Variants in ELAVL4 observed in about 807,000 individuals in gnomAD.
ELAVL4 encodes the protein ELAV like RNA binding protein 4.
Under a neutral mutation model 35.6 loss-of-function variants are expected in ELAVL4, and 1 was observed. The ratio of observed to expected loss-of-function variants is 0.03; its 90% CI spans 0.01 to 0.13. The LOEUF is 0.13. Ranked by LOEUF, ELAVL4 falls within the 10% of genes least tolerant of loss-of-function variation. ELAVL4 has a pLI of 1.00. For missense variants in ELAVL4, 267 were observed against 464.9 expected, an observed-to-expected ratio of 0.57 and a Z score of 3.91; for synonymous variants, 156 against 171.0, an observed-to-expected ratio of 0.91 and a Z score of 0.69.
chr1:50,070,709 C>A (rs999332020), intron 1 of ELAVL4, among the ~76,000 whole-genome samples: 1 of 144,756 alleles, frequency 6.9e-6, no homozygotes, highest in Non-Finnish European at 1.5e-5. Context: ...CCACTGCACT[C>A]CAGCCTGGGT....
At chr1:50,133,619 GAAAGAAA>G (rs1441884845) in intron 1 of ELAVL4, among the ~76,000 whole-genome samples, 2 of 144,632 alleles carry the variant, frequency 1.4e-5, no homozygotes, top group Non-Finnish European at 3.0e-5. Flanking sequence ...AAGAAAGAAA[GAAAGAAA>G]GAAAGAAAGA....
rs548738112 is a variant in ELAVL4 at position 50,176,948 on chromosome 1, A to G, written c.251-141A>G. The G allele has an allele frequency of 1.8e-5, 11 of 621,516 alleles. No homozygotes were observed. The South Asian group carries it at 2.5e-4, about 14-fold the overall frequency. The allele number at this position is 621,516 out of a possible 1,614,324, so 38.5% of individuals were successfully genotyped here. On this transcript the variant is annotated intron_variant, in intron 2 of 6. Coordinates refer to ENST00000371824, the MANE Select transcript of ELAVL4 (RefSeq NM_001144774.3). Reference sequence around the variant, plus strand: ...GGGGGTAAACCCTGGTGTAAGAGGAACTGTATACCAAAGGAGAGTTTTGAC... The same window carrying G: ...GGGGGTAAACCCTGGTGTAAGAGGAGCTGTATACCAAAGGAGAGTTTTGAC...
chr1:50,153,280 G>T (rs1284338724), intron 2 of ELAVL4, among the ~76,000 whole-genome samples: 2 of 152,220 alleles, frequency 1.3e-5, no homozygotes, highest in African/African-American at 4.8e-5. Flanking sequence ...ATGATACAAT[G>T]AAGTTGGAGG....
intron 3 of ELAVL4, among the ~76,000 whole-genome samples, chr1:50,186,330 T>C (rs1363016789): frequency 6.6e-6 from 1 of 152,198 alleles, no homozygotes; most frequent in East Asian, 1.9e-4. Context: ...GATAAAGCTT[T>C]GAGACTAGGT....
intron 1 of ELAVL4, among the ~76,000 whole-genome samples, chr1:50,064,946 C>A (rs935460001): frequency 3.3e-5 from 5 of 152,064 alleles, no homozygotes; most frequent in African/African-American, 1.2e-4. Flanking sequence ...TCCTCAAGGG[C>A]CAGTCTTGTG....
intron 3 of ELAVL4, among the ~76,000 whole-genome samples, chr1:50,184,768 T>C (rs1473101997): frequency 6.6e-6 from 1 of 152,164 alleles, no homozygotes; most frequent in Non-Finnish European, 1.5e-5. Flanking sequence ...ATCGGAAGCA[T>C]TCAGATGAAC....
At chr1:50,190,536 A>G (rs1156331545) in intron 3 of ELAVL4, among the ~76,000 whole-genome samples, 1 of 152,256 alleles carries the variant, frequency 6.6e-6, no homozygotes, top group Non-Finnish European at 1.5e-5. Context: ...GGTGAGAAAT[A>G]CTAAACAGGA....
intron 3 of ELAVL4, among the ~76,000 whole-genome samples, chr1:50,188,536 T>G (rs1314263215): frequency 6.6e-6 from 1 of 152,182 alleles, no homozygotes; most frequent in Admixed American, 6.5e-5. Context: ...AAGGTCATCT[T>G]TATTGCCAAT....
At chr1:50,145,761 T>G (rs1557777937) in intron 2 of ELAVL4, among the ~76,000 whole-genome samples, 1 of 152,218 alleles carries the variant, frequency 6.6e-6, no homozygotes, top group Non-Finnish European at 1.5e-5. Context: ...TGAGGTATTT[T>G]GTTTTATTTT....
At chr1:50,188,744 G>A (rs1682217182) in intron 3 of ELAVL4, among the ~76,000 whole-genome samples, 1 of 152,230 alleles carries the variant, frequency 6.6e-6, no homozygotes. Context: ...GAAGCAGGCA[G>A]CATTTGAGCC....
intron 1 of ELAVL4, among the ~76,000 whole-genome samples, chr1:50,067,621 T>G (rs1189107312): frequency 6.6e-6 from 1 of 152,212 alleles, no homozygotes; most frequent in East Asian, 1.9e-4. Context: ...GAGTACCTAT[T>G]GTATCCAGGC....
intron 1 of ELAVL4, among the ~76,000 whole-genome samples, chr1:50,112,597 T>C (rs1667257796): frequency 6.6e-6 from 1 of 152,120 alleles, no homozygotes; most frequent in Non-Finnish European, 1.5e-5. Flanking sequence ...GCTAAATCAT[T>C]TAATATTTAA....
Position 50,195,365 on chromosome 1 carries a change from A to T in ELAVL4, c.509-196A>T, listed in dbSNP as rs562416495. Among the ~76,000 whole-genome samples, 3 of 152,276 alleles carry T rather than the reference A, an allele frequency of 2.0e-5. No homozygotes were observed. In the East Asian group the frequency reaches 5.8e-4, roughly 29 times the overall value. ...GCCCTGTGTTCTGTGGCTGGGAGGC[A>T]TCAGTCCAGAGCCATGATAGCAGGA... On this transcript the variant is annotated intron_variant, in intron 4 of 6. Coordinates refer to ENST00000371824, the MANE Select transcript of ELAVL4 (RefSeq NM_001144774.3).
At chr1:50,179,451 T>C (rs1190519651) in intron 3 of ELAVL4, 1 of 152,218 alleles carries the variant, frequency 6.6e-6, no homozygotes, top group East Asian at 1.9e-4. Context: ...GTAAAAATCA[T>C]ATTAAAGGAA....
intron 1 of ELAVL4, among the ~76,000 whole-genome samples, chr1:50,122,661 A>C (rs2148599303): frequency 6.6e-6 from 1 of 152,260 alleles, no homozygotes; most frequent in South Asian, 2.1e-4. Flanking sequence ...TGTAAACTTC[A>C]AGTTTCATTC....
At chr1:50,132,846 A>G (rs1671092382) in intron 1 of ELAVL4, among the ~76,000 whole-genome samples, 1 of 152,184 alleles carries the variant, frequency 6.6e-6, no homozygotes, top group South Asian at 2.1e-4. Flanking sequence ...AACAAAACAG[A>G]GTTGACAAAT....
chr1:50,173,015 C>G (rs1297513472), intron 2 of ELAVL4, among the ~76,000 whole-genome samples: 1 of 152,066 alleles, frequency 6.6e-6, no homozygotes, highest in East Asian at 1.9e-4. Context: ...CCTGGGTACC[C>G]CCTCTTTTCC....
chr1:50,173,134 C>T (rs765092004), intron 2 of ELAVL4, among the ~76,000 whole-genome samples: 3 of 152,150 alleles, frequency 2.0e-5, no homozygotes, highest in Non-Finnish European at 4.4e-5. Context: ...TTGTTGATGA[C>T]TTACTATGTG....
intron 4 of ELAVL4, 142 bp downstream of exon 4, chr1:50,194,060 C>A: frequency 8.8e-7 from 1 of 1,130,614 alleles, no homozygotes; most frequent in Non-Finnish European, 1.2e-6. Context: ...AGAAAGACTT[C>A]TTATCGGTCA....
Sources: gnomAD v4.1 joint callset for allele counts (sites outside exome capture counted in the v4.1 genomes callset) on GRCh38, gnomAD v4.1.1 for gene constraint, MANE v1.5 for transcripts, NCBI Gene and HGNC (gene_info 2026-07-23, HGNC 2026-07-21) for gene names.